ANK1: variants seen among roughly 807,000 people sequenced by gnomAD.
ANK1 encodes ankyrin-1.
Under a neutral mutation model 210.4 loss-of-function variants are expected in ANK1, and 51 were observed. That is an observed-to-expected ratio of 0.24 (90% CI 0.19 to 0.31). The LOEUF (loss-of-function observed/expected upper bound fraction) is 0.31, where lower values mean the gene tolerates loss of function less well. ANK1 is among the 10% of genes least tolerant of loss of function. The pLI is 1.00. For synonymous variants in ANK1, 967 were observed against 1,025.9 expected (o/e 0.94, Z 1.10); for missense variants, 2,051 against 2,504.4 (o/e 0.82, Z 3.86).
chr8:41,655,906 G>A (rs529637961), intron 42 of ANK1, among the ~76,000 whole-genome samples, 153 bp from the exon 43 acceptor site: 12 of 152,392 alleles, frequency 7.9e-5, no homozygotes, highest in Admixed American at 3.9e-4. Flanking sequence ...TGAGGGTGCT[G>A]CACTTGCAGC....
intron 9 of ANK1, among the ~76,000 whole-genome samples, chr8:41,722,576 T>C (rs1829537991): frequency 6.6e-6 from 1 of 152,222 alleles, no homozygotes; most frequent in Non-Finnish European, 1.5e-5. Context: ...GGGCCTTTTC[T>C]CTGGCCCGTA....
In ANK1 at chr8:41,701,608, C is replaced by A; in HGVS notation, c.2403G>T (p.Lys801Asn). The change falls in exon 22 of 43, where the codon AAG (lysine) becomes AAT (asparagine). Residue 801 changes from lysine to asparagine, a missense_variant. By Grantham distance (94) the Lys-to-Asn change is moderately conservative. Transcript: ENST00000289734. ...CTGTCTCAGGGAAACTCATTCGATGCTTATCACTGACTAACTAAAACGAGA... is the reference window on the plus strand; with the variant it reads ...CTGTCTCAGGGAAACTCATTCGATGATTATCACTGACTAACTAAAACGAGA... ...DETSFVLVSD[K>N]HRMSFPETVD... 1 of 1,614,100 alleles carries A rather than the reference C, an allele frequency of 6.2e-7. No individual in the cohort carries two copies. The highest frequency in any genetic ancestry group is 8.5e-7 in the Non-Finnish European group (1 of 1,179,998).
chr8:41,665,130 T>G (rs1409763488), intron 39 of ANK1: 2 of 1,546,642 alleles, frequency 1.3e-6, no homozygotes, highest in African/African-American at 2.7e-5. Context: ...AGGGACCCCT[T>G]GCATTCCCCC....
At position 41,695,225 on chromosome 8, in the gene ANK1, G is replaced by A. The variant is rs757543511; in HGVS notation, c.3067C>T (p.Arg1023Cys). 8.1e-6 allele frequency: 13 copies of A among 1,613,972 alleles called. No individual in the cohort carries two copies. The highest frequency in any genetic ancestry group is 8.0e-5 in the African/African-American group (6 of 74,904). The change falls in exon 27 of 43, where the codon CGC (arginine) becomes TGC (cysteine). Residue 1023 changes from arginine (R) to cysteine (C), a missense_variant. Coordinates refer to ENST00000289734, the MANE Select transcript of ANK1 (RefSeq NM_000037.4). ...NGSVWKEHRS[R>C]YGESYLDQIL... is the part of the protein sequence containing the mutation. ...TGATCCAGGTAGCTCTCTCCATAGC[G>A]GCTCCTGTGCTCCTTCCACACGGAG...
chr8:41,701,929 C>A (rs1264128116), intron 21 of ANK1, 123 bp downstream of exon 21: 2 of 1,018,754 alleles, frequency 2.0e-6, no homozygotes, highest in South Asian at 1.4e-5. Context: ...ACCCGTCGGG[C>A]GCGGCGCCTC....
At position 41,797,079 on chromosome 8, in the gene ANK1, T is replaced by G. The variant is rs55839665; in HGVS notation, c.27+433A>C. On this transcript the variant is annotated intron_variant, in intron 1 of 42. Transcript: ENST00000289734. This position sits in a 1 kb window ranked among gnomAD's most constrained non-coding sequence, Gnocchi z 4.0. Reference sequence around the variant, plus strand: ...AAACAAGCCAAAGTCCCCTTCCAAATGACAGTGACAGCCCCCTAGCCGGGT... The same window carrying G: ...AAACAAGCCAAAGTCCCCTTCCAAAGGACAGTGACAGCCCCCTAGCCGGGT... Among the ~76,000 whole-genome samples, 1,146 of 152,268 alleles carry G rather than the reference T, an allele frequency of 7.5e-3. 20 individuals are homozygous for G. Among genetic ancestry groups the G allele is most frequent in the African/African-American group, 0.026 (1,096 of 41,564 alleles).
At position 41,679,912 on chromosome 8, in the gene ANK1, A is replaced by G. The variant is rs1348084347; in HGVS notation, c.4537+4632T>C. The stretch of plus-strand genomic sequence containing the variant: ...ACTAGACAGCTGTAGGGCTCACTTC[A>G]TTTATTTCCCATGCTTTGTGGATCA... On this transcript the variant is annotated intron_variant, in intron 37 of 42. Transcript: ENST00000289734. Among the ~76,000 whole-genome samples the G allele has an allele frequency of 2.0e-5, 3 of 152,006 alleles. No individual in the cohort carries two copies. The East Asian group carries it at 5.8e-4, about 29-fold the overall frequency.
intron 1 of ANK1, among the ~76,000 whole-genome samples, chr8:41,890,485 G>C (rs930586049): frequency 1.3e-5 from 2 of 152,216 alleles, no homozygotes; most frequent in African/African-American, 4.8e-5. Flanking sequence ...GAGGCAGGCG[G>C]ATCACTTGAG....
At chr8:41,807,712 G>A (rs749425020) in intron 1 of ANK1, among the ~76,000 whole-genome samples, 2 of 152,102 alleles carry the variant, frequency 1.3e-5, no homozygotes, top group Non-Finnish European at 2.9e-5. Context: ...AAATCTTAGG[G>A]CATTGACTTC....
chr8:41,774,769 G>A (rs1843651900), intron 1 of ANK1, among the ~76,000 whole-genome samples: 1 of 152,266 alleles, frequency 6.6e-6, no homozygotes, highest in African/African-American at 2.4e-5. Flanking sequence ...ACGCCGCAGA[G>A]CATGCCACAT....
chr8:41,757,890 G>A, intron 2 of ANK1, 146 bp downstream of exon 2: 4 of 812,718 alleles, frequency 4.9e-6, no homozygotes, highest in South Asian at 4.2e-5. Flanking sequence ...AAACAGCAAG[G>A]TTAGGGCCTT....
At chr8:41,763,213 C>CAA (rs56021151) in intron 1 of ANK1, among the ~76,000 whole-genome samples, 48,252 of 130,072 alleles carry the variant, frequency 0.37, 9,637 homozygotes, top group East Asian at 0.66. Flanking sequence ...GACTCTGTCT[C>CAA]AAAAAAAAAA....
upstream of ANK1, among the ~76,000 whole-genome samples, chr8:41,799,730 A>G (rs1303088008): frequency 6.6e-6 from 1 of 152,110 alleles, no homozygotes; most frequent in Non-Finnish European, 1.5e-5. Context: ...TAACCCCAGA[A>G]CTAGGTCACC....
chr8:41,722,593 C>G (rs748412788), intron 9 of ANK1, among the ~76,000 whole-genome samples: 3 of 152,188 alleles, frequency 2.0e-5, no homozygotes, highest in Non-Finnish European at 4.4e-5. Context: ...CGTAATGGAA[C>G]CTGAGAAGAA....
chr8:41,853,547 C>A (rs1811641857), intron 1 of ANK1, among the ~76,000 whole-genome samples: 1 of 152,074 alleles, frequency 6.6e-6, no homozygotes, highest in Non-Finnish European at 1.5e-5. Flanking sequence ...TGATGCACTG[C>A]TCCTTTTAAA....
At chr8:41,820,513 C>T (rs925893787) in intron 1 of ANK1, among the ~76,000 whole-genome samples, 1 of 152,050 alleles carries the variant, frequency 6.6e-6, no homozygotes, top group African/African-American at 2.4e-5. Flanking sequence ...TCATTTTGAC[C>T]ACACTCGGCA....
intron 2 of ANK1, among the ~76,000 whole-genome samples, chr8:41,743,565 C>T (rs892231262): frequency 6.6e-5 from 10 of 152,158 alleles, no homozygotes; most frequent in African/African-American, 2.4e-4. Flanking sequence ...CAGGGAGGTG[C>T]CCTGCAGGGC....
intron 1 of ANK1, among the ~76,000 whole-genome samples, chr8:41,879,917 G>A (rs1468783179): frequency 6.6e-6 from 1 of 152,172 alleles, no homozygotes; most frequent in Non-Finnish European, 1.5e-5. Context: ...TGCATTTAGT[G>A]CAAATTACCA....
chr8:41,748,123 C>T (rs956379374), intron 2 of ANK1, among the ~76,000 whole-genome samples: 5 of 152,070 alleles, frequency 3.3e-5, no homozygotes, highest in Non-Finnish European at 7.4e-5. Context: ...GTACCAGGTG[C>T]CAGGCATAGG....
Sources: allele counts gnomAD v4.1 joint callset (sites outside exome capture counted in the v4.1 genomes callset), GRCh38; gene constraint gnomAD v4.1.1; non-coding constraint Gnocchi (gnomAD v3.1); transcripts MANE v1.5; gene names NCBI Gene and HGNC (gene_info 2026-07-23, HGNC 2026-07-21).